Variants in IL1RAPL2 observed in about 807,000 individuals in gnomAD.
IL1RAPL2 encodes X-linked interleukin-1 receptor accessory protein-like 2.
In IL1RAPL2, 3 loss-of-function variants were observed where a neutral mutation model predicts 44.1. The ratio of observed to expected loss-of-function variants is 0.07; its 90% CI spans 0.03 to 0.18. IL1RAPL2 has a LOEUF of 0.18. Ranked by LOEUF, IL1RAPL2 falls within the 10% of genes least tolerant of loss-of-function variation. The pLI, the probability that IL1RAPL2 is intolerant of heterozygous loss-of-function variation, is 1.00. For missense variants in IL1RAPL2, 391 were observed against 496.4 expected (o/e 0.79, Z 2.02); for synonymous variants, 181 against 178.8 (o/e 1.01, Z -0.10).
chrX:105,190,006 A>T (rs2033620523), intron 2 of IL1RAPL2, among the ~76,000 whole-genome samples: 1 of 112,245 alleles, frequency 8.9e-6, no homozygotes, highest in Non-Finnish European at 1.9e-5. Context: ...AACTTGAGTG[A>T]CCTTGAGCAA....
At chrX:105,016,975 A>T (rs1602892197) in intron 2 of IL1RAPL2, among the ~76,000 whole-genome samples, 1 of 111,679 alleles carries the variant, frequency 9.0e-6, no homozygotes, top group Non-Finnish European at 1.9e-5. Context: ...GCTATTAGTT[A>T]CTGCCTCAGT....
intron 5 of IL1RAPL2, among the ~76,000 whole-genome samples, chrX:105,457,409 T>C (rs1165366697): frequency 9.1e-6 from 1 of 110,222 alleles, no homozygotes; most frequent in Non-Finnish European, 1.9e-5. Context: ...CTTGTAATTT[T>C]CCATTCCCCC....
chrX:105,115,948 C>T (rs983585354), intron 2 of IL1RAPL2, among the ~76,000 whole-genome samples: 14 of 113,425 alleles, frequency 1.2e-4, no homozygotes, highest in African/African-American at 4.5e-4. Flanking sequence ...CAGCTGCTGG[C>T]CCAGGTGCTA....
At chrX:105,132,879 A>G (rs780395144) in intron 2 of IL1RAPL2, among the ~76,000 whole-genome samples, 2 of 112,019 alleles carry the variant, frequency 1.8e-5, no homozygotes, top group African/African-American at 3.2e-5. Flanking sequence ...ATTGAAATCA[A>G]TATGAGAAAA....
chrX:104,615,097 T>C (rs1929241894), intron 1 of IL1RAPL2, among the ~76,000 whole-genome samples: 1 of 111,882 alleles, frequency 8.9e-6, no homozygotes, highest in Non-Finnish European at 1.9e-5. Context: ...TGTACTCAAG[T>C]GTGTCTTTGT....
intron 2 of IL1RAPL2, among the ~76,000 whole-genome samples, chrX:104,785,181 A>T (rs1020862992): frequency 2.8e-5 from 3 of 107,328 alleles, no homozygotes; most frequent in Non-Finnish European, 5.8e-5. Context: ...CTGGGTAATT[A>T]AAAAAAAAAT....
chrX:105,075,769 G>C (rs1425522603), intron 2 of IL1RAPL2, among the ~76,000 whole-genome samples: 2 of 111,692 alleles, frequency 1.8e-5, no homozygotes, highest in African/African-American at 6.5e-5. Context: ...GTTTAGTCTT[G>C]GGAGAGTGTA....
At chrX:105,358,543 C>T (rs927202733) in intron 5 of IL1RAPL2, among the ~76,000 whole-genome samples, 15 of 107,798 alleles carry the variant, frequency 1.4e-4, no homozygotes, top group Non-Finnish European at 1.9e-5. Flanking sequence ...TGGCATTTTC[C>T]CACATGCCTG....
At chrX:105,524,637 A>C (rs1350276965) in intron 6 of IL1RAPL2, among the ~76,000 whole-genome samples, 1 of 110,682 alleles carries the variant, frequency 9.0e-6, no homozygotes, top group Non-Finnish European at 1.9e-5. Context: ...GATGTTGTTC[A>C]TTATTTGCTC....
At chrX:105,225,967 C>T (rs993418499) in intron 3 of IL1RAPL2, among the ~76,000 whole-genome samples, 29 of 111,489 alleles carry the variant, frequency 2.6e-4, no homozygotes, top group Non-Finnish European at 5.5e-4. Flanking sequence ...CGTGAGCCCC[C>T]GTGCCTGGCC....
chrX:105,116,102 C>T (rs779235663), intron 2 of IL1RAPL2, among the ~76,000 whole-genome samples: 15 of 15,782 alleles, frequency 9.5e-4, no homozygotes, highest in Non-Finnish European at 1.6e-3. Context: ...TCACACCTCC[C>T]TGCAAGTGGA....
intron 2 of IL1RAPL2, among the ~76,000 whole-genome samples, chrX:105,121,437 A>G (rs2032924138): frequency 9.0e-6 from 1 of 111,493 alleles, no homozygotes. Flanking sequence ...ACAGAATGAC[A>G]GCTGACCTCA....
intron 2 of IL1RAPL2, among the ~76,000 whole-genome samples, chrX:105,025,720 C>T (rs974295903): frequency 9.0e-6 from 1 of 111,176 alleles, no homozygotes; most frequent in African/African-American, 3.3e-5. Flanking sequence ...TTTGTAAATG[C>T]CTGTCAGTGT....
chrX:105,067,430 G>C (rs2032151687), intron 2 of IL1RAPL2, among the ~76,000 whole-genome samples: 1 of 111,285 alleles, frequency 9.0e-6, no homozygotes, highest in South Asian at 3.8e-4. Flanking sequence ...CTTCAATTTG[G>C]TCTGGAGTTT....
chrX:105,621,079 C>T (rs2037415813), intron 6 of IL1RAPL2, among the ~76,000 whole-genome samples: 1 of 111,189 alleles, frequency 9.0e-6, no homozygotes, highest in Non-Finnish European at 1.9e-5. Context: ...GTTCCTATAT[C>T]CCTCAACATA....
At chrX:105,551,421 C>G (rs111560348) in intron 6 of IL1RAPL2, among the ~76,000 whole-genome samples, 1 of 110,477 alleles carries the variant, frequency 9.1e-6, no homozygotes, top group African/African-American at 3.3e-5. Context: ...TTGATAAGAA[C>G]GATTTTATTA....
intron 5 of IL1RAPL2, among the ~76,000 whole-genome samples, chrX:105,471,475 A>C (rs781039760): frequency 8.9e-6 from 1 of 112,042 alleles, no homozygotes; most frequent in South Asian, 3.7e-4. Context: ...GATGCTAATG[A>C]ACATCACAGA....
At chrX:104,612,228 G>A (rs1602643522) in intron 1 of IL1RAPL2, among the ~76,000 whole-genome samples, 2 of 111,985 alleles carry the variant, frequency 1.8e-5, no homozygotes, top group African/African-American at 3.2e-5. Flanking sequence ...TGTCGAAATT[G>A]CTTTTGAGGA....
At chrX:105,048,465 G>A (rs970830698) in intron 2 of IL1RAPL2, among the ~76,000 whole-genome samples, 2 of 111,828 alleles carry the variant, frequency 1.8e-5, no homozygotes, top group Non-Finnish European at 3.8e-5. Context: ...ATGAAATTTA[G>A]TAATTTAACA....
Sources: gnomAD v4.1 joint callset for allele counts (sites outside exome capture counted in the v4.1 genomes callset) on GRCh38, gnomAD v4.1.1 for gene constraint, MANE v1.5 for transcripts, NCBI Gene and HGNC (gene_info 2026-07-23, HGNC 2026-07-21) for gene names.